Variants in ADAM22 observed in about 807,000 individuals in gnomAD.
The protein encoded by ADAM22 is ADAM metallopeptidase domain 22.
In ADAM22, 65 loss-of-function variants were observed where a neutral mutation model predicts 144.6. That is an observed-to-expected ratio of 0.45 (90% CI 0.37 to 0.55). The LOEUF (loss-of-function observed/expected upper bound fraction) is 0.55. ADAM22 is among the 20% of genes least tolerant of loss of function. ADAM22 has a pLI of 0.00. For missense variants in ADAM22, 974 were observed against 1,184.9 expected (o/e 0.82, Z 2.61); for synonymous variants, 391 against 412.6 (o/e 0.95, Z 0.63).
intron 3 of ADAM22, among the ~76,000 whole-genome samples, chr7:87,986,266 G>C (rs1788457681): frequency 6.6e-6 from 1 of 152,132 alleles, no homozygotes. Context: ...CCCACAACTA[G>C]ACTTTTGGAA....
At chr7:88,141,881 G>A (rs537733496) in intron 14 of ADAM22, among the ~76,000 whole-genome samples, 1 of 151,772 alleles carries the variant, frequency 6.6e-6, no homozygotes, top group Non-Finnish European at 1.5e-5. Flanking sequence ...GTACATCTTT[G>A]TGCACGTAGC....
chr7:88,087,910 TTGAG>T (rs749808893), intron 4 of ADAM22, among the ~76,000 whole-genome samples: 1 of 152,214 alleles, frequency 6.6e-6, no homozygotes, highest in Non-Finnish European at 1.5e-5. Context: ...TTTGATTGAA[TTGAG>T]TGCACTCAAG....
chr7:88,112,914 C>T (rs958353209), intron 5 of ADAM22, among the ~76,000 whole-genome samples: 4 of 152,100 alleles, frequency 2.6e-5, no homozygotes, highest in African/African-American at 9.7e-5. Flanking sequence ...AGTCTTGCCA[C>T]TCACTACGTT....
At chr7:88,167,981 A>G (rs1303421153) in intron 24 of ADAM22, among the ~76,000 whole-genome samples, 156 bp from the exon 25 acceptor site, 1 of 152,220 alleles carries the variant, frequency 6.6e-6, no homozygotes, top group Non-Finnish European at 1.5e-5. Flanking sequence ...ACTGATATGG[A>G]TTGCTGAATT....
At chr7:88,007,694 A>G (rs372715356) in intron 3 of ADAM22, among the ~76,000 whole-genome samples, 13 of 152,236 alleles carry the variant, frequency 8.5e-5, no homozygotes, top group East Asian at 3.8e-4. Flanking sequence ...CTGGCTAGCC[A>G]TATGTAGAAA....
chr7:88,115,945 T>G (rs754463256), intron 6 of ADAM22, among the ~76,000 whole-genome samples: 6 of 152,226 alleles, frequency 3.9e-5, no homozygotes, highest in Non-Finnish European at 7.3e-5. Flanking sequence ...TCATTCTAGC[T>G]CTGTACATAC....
chr7:88,039,449 C>CCAAAAAAAAAA (rs1802430872), intron 3 of ADAM22, among the ~76,000 whole-genome samples: 1 of 58,620 alleles, frequency 1.7e-5, no homozygotes, highest in Non-Finnish European at 3.8e-5. Flanking sequence ...GATTCTGTCT[C>CCAAAAAAAAAA]AAAAAAAAAA....
intron 23 of ADAM22, among the ~76,000 whole-genome samples, chr7:88,164,655 T>C (rs989969403): frequency 2.0e-5 from 3 of 152,040 alleles, no homozygotes; most frequent in African/African-American, 7.2e-5. Flanking sequence ...CTCTGTAAAA[T>C]GGAGATAATA....
At chr7:88,029,939 T>C (rs1799864367) in intron 3 of ADAM22, among the ~76,000 whole-genome samples, 1 of 152,112 alleles carries the variant, frequency 6.6e-6, no homozygotes, top group Non-Finnish European at 1.5e-5. Context: ...TTAAAAACCT[T>C]GAGGTAGCCT....
intron 4 of ADAM22, among the ~76,000 whole-genome samples, chr7:88,083,486 A>G (rs1332373496): frequency 1.3e-5 from 2 of 152,062 alleles, no homozygotes; most frequent in African/African-American, 4.8e-5. Context: ...CTTAAAGTAT[A>G]TAAAAAAAAG....
chr7:87,979,487 A>T (rs1852771056), intron 3 of ADAM22, among the ~76,000 whole-genome samples: 3 of 152,210 alleles, frequency 2.0e-5, no homozygotes, highest in African/African-American at 7.2e-5. Context: ...TTTTAAAAAT[A>T]ATACTTATCA....
chr7:88,024,104 T>C (rs1397513097), intron 3 of ADAM22, among the ~76,000 whole-genome samples: 3 of 152,214 alleles, frequency 2.0e-5, no homozygotes, highest in Admixed American at 6.5e-5. Context: ...GGTTGGACAC[T>C]TAGATTGCTT....
Position 88,200,136 on chromosome 7 carries a change from G to T in ADAM22, c.*3645G>T, listed in dbSNP as rs951214619. 1 of 152,094 alleles carries T rather than the reference G, an allele frequency of 6.6e-6. No homozygotes were observed. Among genetic ancestry groups the T allele is most frequent in the African/African-American group, 2.4e-5 (1 of 41,412 alleles). 9.4% of individuals were successfully genotyped at this position (152,094 alleles called of 1,614,324 possible). The stretch of plus-strand genomic sequence containing the variant: ...TTTTACAGTTACCTTCGGACCAGAA[G>T]ATATATGGTATTTTTATTCACTTTT... On this transcript the variant is annotated 3_prime_UTR_variant, in exon 32 of 32. Transcript: ENST00000413139.
intron 3 of ADAM22, among the ~76,000 whole-genome samples, chr7:88,036,110 G>A (rs541842054): frequency 6.6e-6 from 1 of 152,154 alleles, no homozygotes; most frequent in South Asian, 2.1e-4. Context: ...TGAAAAATAA[G>A]TATCACAGTA....
At position 88,199,887 on chromosome 7, in the gene ADAM22, C is replaced by T. The variant is rs1410215691; in HGVS notation, c.*3396C>T. 6.6e-6 allele frequency: 1 copy of T among 152,148 alleles called. No homozygotes were observed. Among genetic ancestry groups the T allele is most frequent in the Admixed American group, 6.5e-5 (1 of 15,280 alleles). The allele number at this position is 152,148 out of a possible 1,614,324, so 9.4% of individuals were successfully genotyped here. ...ATAAGGTCAGTCTGGCATAGAATTT[C>T]TGAAAGTAACATTAATAGGATTTCT... is the stretch of plus-strand genomic sequence containing the variant. On this transcript the variant is annotated 3_prime_UTR_variant, in exon 32 of 32. Transcript: ENST00000413139.
chr7:87,967,894 A>G (rs1182613056), intron 2 of ADAM22, among the ~76,000 whole-genome samples: 2 of 151,436 alleles, frequency 1.3e-5, no homozygotes, highest in Non-Finnish European at 2.9e-5. Flanking sequence ...TTGGCCCTCA[A>G]TTTAGCTGGA....
intron 17 of ADAM22, among the ~76,000 whole-genome samples, chr7:88,146,219 C>T (rs1217299359): frequency 6.6e-6 from 1 of 152,172 alleles, no homozygotes; most frequent in Non-Finnish European, 1.5e-5. Context: ...CTGTACATTT[C>T]ATGGAGCAGA....
At chr7:88,033,833 G>T (rs1800872716) in intron 3 of ADAM22, among the ~76,000 whole-genome samples, 1 of 152,060 alleles carries the variant, frequency 6.6e-6, no homozygotes. Flanking sequence ...CACCCCACAG[G>T]CCCACGTGGA....
intron 7 of ADAM22, among the ~76,000 whole-genome samples, chr7:88,121,645 C>T (rs1057100095): frequency 2.0e-5 from 3 of 152,096 alleles, no homozygotes; most frequent in Admixed American, 2.0e-4. Flanking sequence ...ACCACATGGG[C>T]CTCTCCACAG....
Sources: gnomAD v4.1 joint callset for allele counts (sites outside exome capture counted in the v4.1 genomes callset) on GRCh38, gnomAD v4.1.1 for gene constraint, MANE v1.5 for transcripts, NCBI Gene and HGNC (gene_info 2026-07-23, HGNC 2026-07-21) for gene names.